Variants in CP observed in about 807,000 individuals in gnomAD.
CP encodes caeruloplasmin.
CP carries 64 observed loss-of-function variants against 122.4 expected under a neutral mutation model. The ratio of observed to expected loss-of-function variants is 0.52; its 90% CI spans 0.43 to 0.64. The LOEUF (loss-of-function observed/expected upper bound fraction) is 0.64. CP is among the 30% of genes least tolerant of loss of function. The pLI is 0.00. For missense variants in CP, 1,167 were observed against 1,284.4 expected (o/e 0.91, Z 1.40); for synonymous variants, 440 against 436.4 (o/e 1.01, Z -0.10).
rs781513940 is a variant in CP, at chr3:149,199,765, T to A, written c.1448A>T (p.Asn483Ile). 6.2e-7 allele frequency: 1 copy of A among 1,614,200 alleles called. No homozygotes were observed. Among genetic ancestry groups the A allele is most frequent in the Non-Finnish European group, 8.5e-7 (1 of 1,180,014 alleles). ...LSIEPIGVRF[N>I]KNNEGTYYSP... Reference sequence around the variant, plus strand: ...ATAGTATGTGCCCTCGTTGTTCTTATTGAATCTCACCCCAATCGGCTCAAT... The same window carrying A: ...ATAGTATGTGCCCTCGTTGTTCTTAATGAATCTCACCCCAATCGGCTCAAT... Residue 483 changes from asparagine (N) to isoleucine (I), a missense_variant, in exon 8 of 19, where the codon AAT becomes ATT. This residue lies in a region of CP where 642 missense variants were observed against 627.3 expected (regional missense o/e 1.02). Transcript: ENST00000264613.
downstream of CP, among the ~76,000 whole-genome samples, chr3:149,169,140 AT>A (rs112171131): frequency 0.052 from 7,908 of 151,718 alleles, 675 homozygotes; most frequent in African/African-American, 0.18. Flanking sequence ...TGTTTTATTC[AT>A]TTTTTCAAGC....
chr3:149,199,451 T>G (rs1047448080), intron 8 of CP, among the ~76,000 whole-genome samples: 2 of 152,190 alleles, frequency 1.3e-5, no homozygotes, highest in African/African-American at 2.4e-5. Context: ...CCCAAGGTAC[T>G]CCAGAAATGT....
In CP at chr3:149,165,354, G is replaced by A. The variant is rs546582559; in HGVS notation, c.*13+592C>T. Among the ~76,000 whole-genome samples the A allele has an allele frequency of 4.4e-4, 67 of 152,206 alleles. 1 individual carries two copies. The highest frequency in any genetic ancestry group is 1.4e-3 in the African/African-American group (57 of 41,542). On this transcript the variant is annotated intron_variant, in intron 5 of 5. Coordinates refer to the CP transcript ENST00000479771. The stretch of plus-strand genomic sequence containing the variant: ...ATTGCTTGAAAAAGTATAATTCAGT[G>A]ATCTTTTAAAATTTGTTTTAAAATA...
intron 10 of CP, among the ~76,000 whole-genome samples, chr3:149,187,165 A>C (rs1034409734): frequency 1.3e-5 from 2 of 152,204 alleles, no homozygotes; most frequent in African/African-American, 4.8e-5. Flanking sequence ...ATAACAGGAA[A>C]GGTCATATGT....
intron 9 of CP, among the ~76,000 whole-genome samples, chr3:149,192,501 A>G (rs1209355621): frequency 6.6e-6 from 1 of 151,882 alleles, no homozygotes; most frequent in African/African-American, 2.4e-5. Context: ...GGCAAAAAAA[A>G]AAGAATTGAT....
At position 149,181,986 on chromosome 3, in the gene CP, C is replaced by CGGGGGGGGGG; in HGVS notation, c.2554+18_2554+19insCCCCCCCCCC. On this transcript the variant is annotated intron_variant, in intron 14 of 18. Transcript: ENST00000264613. ...AGCCTGTTAAAATGCACCACCCCCA[C>CGGGGGGGGGG]CCCCGCCCCCGTGAGTACCTGGTAA... is the stretch of plus-strand genomic sequence containing the variant. 1 of 586,880 alleles carries CGGGGGGGGGG rather than the reference C, an allele frequency of 1.7e-6. No individual in the cohort carries two copies. The highest frequency in any genetic ancestry group is 3.1e-6 in the Non-Finnish European group (1 of 319,264). 36.4% of individuals were successfully genotyped at this position (586,880 alleles called of 1,614,324 possible).
At chr3:149,199,886 T>G (rs1490595637) in intron 7 of CP, 22 bp from the exon 8 acceptor site, 9 of 1,612,294 alleles carry the variant, frequency 5.6e-6, no homozygotes, top group African/African-American at 1.3e-5. Context: ...GAGAGAATTA[T>G]TATCCTTCCT....
At chr3:149,167,063 A>C in intron 4 of CP, 1 of 1,613,636 alleles carries the variant, frequency 6.2e-7, no homozygotes, top group Non-Finnish European at 8.5e-7. Context: ...CATTTGACAT[A>C]GCTTCCATTA....
chr3:149,165,702 G>A (rs922509518), intron 5 of CP, among the ~76,000 whole-genome samples: 3 of 152,140 alleles, frequency 2.0e-5, no homozygotes, highest in African/African-American at 7.2e-5. Context: ...GGTAGTTGAA[G>A]TTATGACTAC....
At chr3:149,215,516 T>C (rs1250970890) in intron 1 of CP, among the ~76,000 whole-genome samples, 2 of 152,248 alleles carry the variant, frequency 1.3e-5, no homozygotes, top group Non-Finnish European at 2.9e-5. Context: ...GCTTTTTGCA[T>C]CTTGCCTTTT....
Position 149,212,526 on chromosome 3 carries a change from C to A in CP, c.319G>T (p.Val107Leu). The change falls in exon 2 of 19, where the codon GTA becomes TTA. Residue 107 changes from valine (V) to leucine (L), a missense_variant. Transcript: ENST00000264613. ...CTAGAGGCAAGGTTTTTTAAGTGTA[C>A]ATAAACTTTATCTCCAGTTTCAGCT... ...IKAETGDKVY[V>L]HLKNLASRPY... is the part of the protein sequence containing the mutation. The A allele has an allele frequency of 6.2e-7, 1 of 1,613,888 alleles. No homozygotes were observed. The highest frequency in any genetic ancestry group is 8.5e-7 in the Non-Finnish European group (1 of 1,179,912).
chr3:149,201,643 T>G (rs981315382), intron 7 of CP, among the ~76,000 whole-genome samples: 3 of 152,156 alleles, frequency 2.0e-5, no homozygotes, highest in African/African-American at 7.2e-5. Context: ...CAGGCTGGAG[T>G]GCAGTGGCAC....
chr3:149,187,790 T>C, intron 10 of CP: 1 of 426,624 alleles, frequency 2.3e-6, no homozygotes, highest in Non-Finnish European at 4.4e-6. Flanking sequence ...CATTTCTAAG[T>C]CCCTCAGTGA....
intron 7 of CP, among the ~76,000 whole-genome samples, chr3:149,200,281 T>C (rs1727212628): frequency 6.6e-6 from 1 of 152,178 alleles, no homozygotes; most frequent in African/African-American, 2.4e-5. Flanking sequence ...TAACACTGTT[T>C]TGGATTTTCC....
At chr3:149,187,937 T>C in intron 10 of CP, 115 bp downstream of exon 10, 1 of 1,084,944 alleles carries the variant, frequency 9.2e-7, no homozygotes, top group Admixed American at 1.7e-5. Context: ...ACTATTGTAA[T>C]CGTTTATTGA....
chr3:149,218,816 G>A (rs910392701), intron 1 of CP, among the ~76,000 whole-genome samples: 2 of 152,072 alleles, frequency 1.3e-5, no homozygotes, highest in African/African-American at 4.8e-5. Flanking sequence ...TACTCTCAAT[G>A]CATATTTTCC....
intron 14 of CP, 46 bp from the exon 15 acceptor site, chr3:149,179,708 T>TTG (rs1042019911): frequency 1.0e-6 from 1 of 964,874 alleles, no homozygotes. Flanking sequence ...TTGGTTTATA[T>TTG]TGTACACACA....
intron 6 of CP, among the ~76,000 whole-genome samples, chr3:149,202,960 G>C (rs1488617414): frequency 7.1e-6 from 1 of 141,814 alleles, no homozygotes; most frequent in African/African-American, 2.7e-5. Flanking sequence ...AGGCTGGAGT[G>C]CAGTGGTGCC....
Position 149,182,024 on chromosome 3 carries a change from T to C in CP, c.2535A>G (p.Thr845=). The C allele has an allele frequency of 7.7e-7, 1 of 1,305,132 alleles. No individual in the cohort carries two copies. The highest frequency in any genetic ancestry group is 1.0e-6 in the Non-Finnish European group (1 of 972,950). 80.8% of individuals were successfully genotyped at this position (1,305,132 alleles called of 1,614,324 possible). ...GAGTACCTGGTAATGTTGGAGTAAC[T>C]GTAGAACTCTCTGTTTGTACCCCAT... ...HAHGVQTESS[T]VTPTLPGETL... The change falls in exon 14 of 19, where the codon ACA becomes ACG. Residue 845 remains threonine, a synonymous_variant. Coordinates refer to ENST00000264613, the MANE Select transcript of CP (RefSeq NM_000096.4).
Sources: allele counts gnomAD v4.1 joint callset (sites outside exome capture counted in the v4.1 genomes callset), GRCh38; gene constraint gnomAD v4.1.1; regional missense constraint gnomAD v4.1.1; transcripts MANE v1.5; gene names NCBI Gene and HGNC (gene_info 2026-07-23, HGNC 2026-07-21).